Variants in GABRB3 observed in about 807,000 individuals in gnomAD.
The protein encoded by GABRB3 is gamma-aminobutyric acid receptor subunit beta-3.
A neutral mutation model predicts 52.1 loss-of-function variants in GABRB3; 14 were observed. That is an observed-to-expected ratio of 0.27 (90% CI 0.18 to 0.42). The LOEUF (loss-of-function observed/expected upper bound fraction) is 0.42. Among genes scored for constraint, GABRB3 ranks in the 10% least tolerant of loss-of-function variants. The pLI, the probability that GABRB3 is intolerant of heterozygous loss-of-function variation, is 1.00. For synonymous variants in GABRB3, 260 were observed against 232.3 expected (o/e 1.12, Z -1.08); for missense variants, 307 against 609.1 (o/e 0.50, Z 5.22).
At chr15:26,551,191 G>A (rs1373709168) in intron 8 of GABRB3, among the ~76,000 whole-genome samples, 1 of 152,192 alleles carries the variant, frequency 6.6e-6, no homozygotes, top group Non-Finnish European at 1.5e-5. Context: ...TTTTTTGTAT[G>A]TCATGTGAAA....
intron 3 of GABRB3, among the ~76,000 whole-genome samples, chr15:26,691,396 A>G (rs1397521106): frequency 6.6e-6 from 1 of 152,196 alleles, no homozygotes; most frequent in Non-Finnish European, 1.5e-5. Flanking sequence ...GGGACTTCAC[A>G]TGGGTGAATC....
chr15:26,609,344 G>T (rs891908931), intron 4 of GABRB3, among the ~76,000 whole-genome samples: 1 of 152,042 alleles, frequency 6.6e-6, no homozygotes, highest in Non-Finnish European at 1.5e-5. Context: ...GGGGAATGGG[G>T]CAATGATTAT....
intron 3 of GABRB3, among the ~76,000 whole-genome samples, chr15:26,761,267 C>T (rs977375936): frequency 2.0e-5 from 3 of 152,066 alleles, no homozygotes; most frequent in Middle Eastern, 3.4e-3. Context: ...TGGTGACATG[C>T]GCCTGTAGAC....
chr15:26,554,176 G>GTATATATATATATAGTATATA (rs71130258), intron 8 of GABRB3, among the ~76,000 whole-genome samples: 1 of 27,334 alleles, frequency 3.7e-5, no homozygotes, highest in East Asian at 7.2e-4. Context: ...TATATATAAA[G>GTATATATATATATAGTATATA]TATATATATA....
At chr15:26,696,869 C>A (rs563586029) in intron 3 of GABRB3, among the ~76,000 whole-genome samples, 1 of 152,324 alleles carries the variant, frequency 6.6e-6, no homozygotes, top group African/African-American at 2.4e-5. Context: ...TGCTCTGTGA[C>A]CCCTGGCACT....
Position 26,673,749 on chromosome 15 carries a change from T to C in GABRB3, c.241-52215A>G, listed in dbSNP as rs115959435. Among the ~76,000 whole-genome samples the C allele has an allele frequency of 6.9e-3, 1,050 of 152,242 alleles. 16 individuals carry two copies. Among genetic ancestry groups the C allele is most frequent in the African/African-American group, 0.025 (1,020 of 41,542 alleles). On this transcript the variant is annotated intron_variant, in intron 3 of 8. Coordinates refer to ENST00000311550, the MANE Select transcript of GABRB3 (RefSeq NM_000814.6). Reference sequence around the variant, plus strand: ...TGCCACTCTTCACGGCAGATGCCCATCACGCATAAATCTAGAAATGCACCA... The same window carrying C: ...TGCCACTCTTCACGGCAGATGCCCACCACGCATAAATCTAGAAATGCACCA...
intron 3 of GABRB3, among the ~76,000 whole-genome samples, chr15:26,757,958 C>G (rs1890707255): frequency 6.6e-6 from 1 of 152,192 alleles, no homozygotes; most frequent in Non-Finnish European, 1.5e-5. Context: ...TACAAGCCCT[C>G]TTCTCTACCA....
intron 3 of GABRB3, among the ~76,000 whole-genome samples, chr15:26,748,832 C>G (rs531626888): frequency 2.6e-5 from 4 of 152,080 alleles, no homozygotes; most frequent in African/African-American, 9.6e-5. Flanking sequence ...TTGAGACCAG[C>G]CTTGCCAACG....
intron 3 of GABRB3, among the ~76,000 whole-genome samples, chr15:26,724,286 C>T (rs1318249304): frequency 2.0e-5 from 3 of 152,138 alleles, no homozygotes; most frequent in Non-Finnish European, 4.4e-5. Context: ...AAATGAAACC[C>T]TAAAACCCCC....
At chr15:26,616,300 T>C (rs189432618) in intron 4 of GABRB3, among the ~76,000 whole-genome samples, 6 of 151,642 alleles carry the variant, frequency 4.0e-5, no homozygotes, top group African/African-American at 1.5e-4. Context: ...GCAAAGAATA[T>C]GCGTATATGA....
At chr15:26,663,605 T>G (rs1887615109) in intron 3 of GABRB3, among the ~76,000 whole-genome samples, 1 of 152,248 alleles carries the variant, frequency 6.6e-6, no homozygotes, top group Non-Finnish European at 1.5e-5. Flanking sequence ...TCATGTTTGA[T>G]GTGAGTTTAT....
intron 4 of GABRB3, among the ~76,000 whole-genome samples, chr15:26,598,071 A>G (rs1891460447): frequency 6.6e-6 from 1 of 152,182 alleles, no homozygotes; most frequent in African/African-American, 2.4e-5. Context: ...TAACATAAAG[A>G]TAGAAAACAA....
intron 3 of GABRB3, among the ~76,000 whole-genome samples, chr15:26,701,068 C>CA (rs1888919890): frequency 5.3e-5 from 8 of 151,238 alleles, no homozygotes; most frequent in Non-Finnish European, 8.9e-5. Flanking sequence ...AAAAAAACAA[C>CA]AAAAAAACTC....
chr15:26,544,627 A>G lies in GABRB3; in HGVS notation c.*3166T>C, dbSNP rs1183919606. ...AGGAATAACACTTGTTTTAAGGACT[A>G]CTCAAGTCTATCAGTCTTTCTCTGT... On this transcript the variant is annotated 3_prime_UTR_variant, in exon 9 of 9. Transcript: ENST00000311550. 6.6e-6 allele frequency: 1 copy of G among 152,182 alleles called. No individual in the cohort carries two copies. Among genetic ancestry groups the G allele is most frequent in the African/African-American group, 2.4e-5 (1 of 41,430 alleles). The allele number at this position is 152,182 out of a possible 1,614,324, so 9.4% of individuals were successfully genotyped here.
At chr15:26,671,284 T>G (rs1294891508) in intron 3 of GABRB3, among the ~76,000 whole-genome samples, 1 of 152,230 alleles carries the variant, frequency 6.6e-6, no homozygotes, top group Non-Finnish European at 1.5e-5. Flanking sequence ...CATCACTAAG[T>G]GATTTGAAAT....
intron 4 of GABRB3, among the ~76,000 whole-genome samples, chr15:26,595,664 C>T (rs538627297): frequency 1.8e-4 from 28 of 152,288 alleles, no homozygotes; most frequent in Admixed American, 1.8e-3. Flanking sequence ...CCTAAAGCAA[C>T]CCCATTTTGG....
chr15:26,674,080 T>C (rs1887982688), intron 3 of GABRB3, among the ~76,000 whole-genome samples: 1 of 151,358 alleles, frequency 6.6e-6, no homozygotes, highest in Non-Finnish European at 1.5e-5. Flanking sequence ...TTTTTTTTAG[T>C]ATTTCCTGAG....
At chr15:26,676,170 G>A (rs570158819) in intron 3 of GABRB3, among the ~76,000 whole-genome samples, 2 of 152,310 alleles carry the variant, frequency 1.3e-5, no homozygotes, top group East Asian at 1.9e-4. Context: ...GAGTTGTTAA[G>A]CAATGAATTC....
At chr15:26,616,118 C>G (rs1651749180) in intron 4 of GABRB3, 1 of 1,271,588 alleles carries the variant, frequency 7.9e-7, no homozygotes, top group African/African-American at 1.5e-5. Context: ...CCACTCCGGG[C>G]CTGCCATGTC....
Sources: gnomAD v4.1 joint callset for allele counts (sites outside exome capture counted in the v4.1 genomes callset) on GRCh38, gnomAD v4.1.1 for gene constraint, MANE v1.5 for transcripts, NCBI Gene and HGNC (gene_info 2026-07-23, HGNC 2026-07-21) for gene names.